The following ERBB4 variants were observed in gnomAD, a reference collection of about 807,000 sequenced individuals.
The protein encoded by ERBB4 is erb-b2 receptor tyrosine kinase 4, also known as receptor tyrosine-protein kinase erbB-4.
ERBB4 carries 42 observed loss-of-function variants against 158.0 expected under a neutral mutation model. That is an observed-to-expected ratio of 0.27 (90% CI 0.21 to 0.34). The LOEUF (loss-of-function observed/expected upper bound fraction) is 0.34. Among genes scored for constraint, ERBB4 ranks in the 10% least tolerant of loss-of-function variants. The pLI is 1.00. For synonymous variants in ERBB4, 583 were observed against 558.7 expected (o/e 1.04, Z -0.61); for missense variants, 1,333 against 1,624.1 (o/e 0.82, Z 3.08).
intron 25 of ERBB4, among the ~76,000 whole-genome samples, chr2:211,400,589 T>C (rs2063016687): frequency 6.6e-6 from 1 of 151,146 alleles, no homozygotes; most frequent in Admixed American, 6.6e-5. Flanking sequence ...ATTGAAATTA[T>C]GGAGATAGAG....
At chr2:211,956,431 C>A (rs552619353) in intron 2 of ERBB4, among the ~76,000 whole-genome samples, 3 of 152,090 alleles carry the variant, frequency 2.0e-5, no homozygotes, top group Non-Finnish European at 4.4e-5. Flanking sequence ...GTATTCTCCA[C>A]AGAGAGCCAA....
At chr2:211,606,882 A>T (rs185674102) in intron 19 of ERBB4, among the ~76,000 whole-genome samples, 1 of 152,250 alleles carries the variant, frequency 6.6e-6, no homozygotes, top group Non-Finnish European at 1.5e-5. Context: ...AAGAGGAAAA[A>T]CCTTTTCTGA....
At chr2:211,955,004 C>T (rs2080988384) in intron 2 of ERBB4, among the ~76,000 whole-genome samples, 1 of 151,900 alleles carries the variant, frequency 6.6e-6, no homozygotes, top group Non-Finnish European at 1.5e-5. Context: ...AAGGATTGTG[C>T]CACCCTGGCA....
At chr2:211,968,884 C>T (rs1255312839) in intron 2 of ERBB4, among the ~76,000 whole-genome samples, 1 of 151,948 alleles carries the variant, frequency 6.6e-6, no homozygotes, top group Non-Finnish European at 1.5e-5. Flanking sequence ...TTGCTCTCTT[C>T]AATTTGCAAA....
chr2:211,905,681 T>TATATATATACACAC (rs1480195605), intron 3 of ERBB4, among the ~76,000 whole-genome samples: 10 of 110,650 alleles, frequency 9.0e-5, no homozygotes, highest in Non-Finnish European at 1.6e-4. Flanking sequence ...TATATATATA[T>TATATATATACACAC]ACACACATAT....
At chr2:212,249,859 A>G (rs1026155655) in intron 1 of ERBB4, among the ~76,000 whole-genome samples, 8 of 152,036 alleles carry the variant, frequency 5.3e-5, no homozygotes, top group African/African-American at 1.9e-4. Flanking sequence ...TTTATGGCAA[A>G]TCAAATACTG....
At chr2:211,412,100 G>GA (rs34748836) in intron 25 of ERBB4, among the ~76,000 whole-genome samples, 46,689 of 144,664 alleles carry the variant, frequency 0.32, 7,335 homozygotes, top group East Asian at 0.39. Context: ...AAGGCTAAGA[G>GA]AAAAAAAAAA....
intron 1 of ERBB4, among the ~76,000 whole-genome samples, chr2:212,377,473 A>T (rs535105058): frequency 2.0e-5 from 3 of 152,006 alleles, no homozygotes; most frequent in East Asian, 3.9e-4. Flanking sequence ...CCTGCACTGC[A>T]TATTATTGTA....
At chr2:211,822,722 A>G (rs1196321489) in intron 3 of ERBB4, among the ~76,000 whole-genome samples, 1 of 144,670 alleles carries the variant, frequency 6.9e-6, no homozygotes, top group Non-Finnish European at 1.6e-5. Flanking sequence ...ATATTGTATA[A>G]CTATTTATTA....
intron 3 of ERBB4, among the ~76,000 whole-genome samples, chr2:211,921,912 C>T (rs902243546): frequency 3.3e-5 from 5 of 152,064 alleles, no homozygotes; most frequent in African/African-American, 1.2e-4. Flanking sequence ...TTGCTATTAG[C>T]TGGATGGTAG....
chr2:212,180,915 A>G (rs1177349768), intron 1 of ERBB4, among the ~76,000 whole-genome samples: 1 of 151,692 alleles, frequency 6.6e-6, no homozygotes, highest in African/African-American at 2.4e-5. Context: ...CAGTAATTCC[A>G]TTATACTAAT....
intron 12 of ERBB4, among the ~76,000 whole-genome samples, chr2:211,691,412 G>T (rs10192485): frequency 2.6e-5 from 4 of 151,926 alleles, no homozygotes; most frequent in African/African-American, 7.3e-5. Flanking sequence ...TGTTTATTTT[G>T]AAAAATATTT....
intron 25 of ERBB4, among the ~76,000 whole-genome samples, chr2:211,404,431 G>A (rs930107042): frequency 3.9e-5 from 6 of 151,976 alleles, no homozygotes; most frequent in African/African-American, 1.4e-4. Context: ...TCTGTCAACA[G>A]CCTGCTCTCA....
chr2:211,776,622 A>C (rs1162016277), intron 4 of ERBB4, among the ~76,000 whole-genome samples: 1 of 152,230 alleles, frequency 6.6e-6, no homozygotes, highest in African/African-American at 2.4e-5. Flanking sequence ...CTTAAGCTAT[A>C]CTAACTGCAT....
chr2:211,776,029 C>T (rs916788940), intron 4 of ERBB4, among the ~76,000 whole-genome samples: 2 of 152,098 alleles, frequency 1.3e-5, no homozygotes, highest in Non-Finnish European at 2.9e-5. Context: ...CCGCCAAGTC[C>T]TTTGAGTTTT....
At chr2:212,345,624 C>A (rs2088961410) in intron 1 of ERBB4, among the ~76,000 whole-genome samples, 1 of 152,038 alleles carries the variant, frequency 6.6e-6, no homozygotes, top group African/African-American at 2.4e-5. Flanking sequence ...AAATATATTT[C>A]TGGGTAAATA....
rs1290701201 is a variant in ERBB4 at position 212,066,160 on chromosome 2, T to C, written c.234+58592A>G. On this transcript the variant is annotated intron_variant, in intron 2 of 27. Transcript: ENST00000342788. The stretch of plus-strand genomic sequence containing the variant: ...CTCGAAAGACTCTTACTCTGGGATG[T>C]GGAGCAACAGGAGTAAATTTAAAGT... Among the ~76,000 whole-genome samples, 3 of 151,944 alleles carry C rather than the reference T, an allele frequency of 2.0e-5. No individual in the cohort carries two copies. In the East Asian group the frequency reaches 5.8e-4, roughly 29 times the overall value.
At chr2:212,354,822 G>C (rs1273155215) in intron 1 of ERBB4, among the ~76,000 whole-genome samples, 1 of 151,990 alleles carries the variant, frequency 6.6e-6, no homozygotes, top group Non-Finnish European at 1.5e-5. Context: ...ACCAACTTAA[G>C]TTGGGTTTGG....
intron 3 of ERBB4, among the ~76,000 whole-genome samples, chr2:211,813,015 C>T (rs2076794994): frequency 6.6e-6 from 1 of 152,202 alleles, no homozygotes; most frequent in African/African-American, 2.4e-5. Context: ...GAGGTGATGT[C>T]CCGCCCTGTT....
Sources: allele counts gnomAD v4.1 joint callset (sites outside exome capture counted in the v4.1 genomes callset), GRCh38; gene constraint gnomAD v4.1.1; transcripts MANE v1.5; gene names NCBI Gene and HGNC (gene_info 2026-07-23, HGNC 2026-07-21).